RGSL1: variants seen among roughly 807,000 people sequenced by gnomAD.
The protein encoded by RGSL1 is regulator of G protein signaling protein-like.
In RGSL1, 97 loss-of-function variants were observed where a neutral mutation model predicts 124.7. The observed-to-expected ratio is 0.78, with a 90% CI of 0.66 to 0.92. The LOEUF (loss-of-function observed/expected upper bound fraction) is 0.92, where lower values mean the gene tolerates loss of function less well. Among genes scored for constraint, RGSL1 ranks in the 40% least tolerant of loss-of-function variants. The probability of loss-of-function intolerance (pLI) is 0.00; values close to 1 mark genes in which losing one functional copy is unlikely to be tolerated. For synonymous variants in RGSL1, 424 were observed against 438.1 expected, an observed-to-expected ratio of 0.97 and a Z score of 0.40; for missense variants, 1,233 against 1,288.4, an observed-to-expected ratio of 0.96 and a Z score of 0.66.
intron 2 of RGSL1, among the ~76,000 whole-genome samples, chr1:182,454,607 T>C (rs1021023652): frequency 6.6e-6 from 1 of 151,844 alleles, no homozygotes; most frequent in African/African-American, 2.4e-5. Flanking sequence ...TGTGTGTGTG[T>C]GTGTGTGTGT....
chr1:182,492,842 G>A (rs1234636144), intron 8 of RGSL1, 180 bp from the exon 9 acceptor site: 14 of 581,756 alleles, frequency 2.4e-5, no homozygotes, highest in Non-Finnish European at 4.3e-5. Context: ...TGTTAGTCAG[G>A]ATGGTCTCAA....
intron 4 of RGSL1, among the ~76,000 whole-genome samples, chr1:182,462,874 A>T (rs932090235): frequency 6.6e-6 from 1 of 152,242 alleles, no homozygotes; most frequent in Non-Finnish European, 1.5e-5. Flanking sequence ...ATGACAAAGG[A>T]ATTTAAATGT....
chr1:182,466,588 T>C (rs1476309748), intron 4 of RGSL1, among the ~76,000 whole-genome samples: 4 of 152,028 alleles, frequency 2.6e-5, no homozygotes, highest in African/African-American at 9.7e-5. Context: ...AATAATAGCA[T>C]TAAAAAGAAT....
At chr1:182,460,865 G>A (rs189764926) in intron 4 of RGSL1, 4 of 388,580 alleles carry the variant, frequency 1.0e-5, no homozygotes, top group Non-Finnish European at 2.1e-5. Context: ...TTGCACAGTG[G>A]CAGCTACTTA....
rs554803278 is a variant in RGSL1 at position 182,451,662 on chromosome 1, A to G, written c.13+1484A>G. 3.5e-4 allele frequency among the ~76,000 whole-genome samples: 39 copies of G among 111,114 alleles called. 1 individual carries two copies. The highest frequency in any genetic ancestry group is 5.3e-4 in the Admixed American group (6 of 11,368). 72.9% of individuals were successfully genotyped at this position (111,114 alleles called of 152,430 possible). A position where few individuals can be genotyped will look rare whatever the true frequency, so the allele number is the denominator to read the frequency against. On this transcript the variant is annotated intron_variant, in intron 1 of 21. Transcript: ENST00000294854. ...GGAAACTCAAAAGCCAGATGGGGTA[A>G]AGCCTCAGATACTATACTAGAGAGT...
chr1:182,545,034 T>C (rs1353529276), intron 15 of RGSL1, among the ~76,000 whole-genome samples: 1 of 152,124 alleles, frequency 6.6e-6, no homozygotes, highest in Admixed American at 6.5e-5. Flanking sequence ...GCTATTTTGT[T>C]GCTTGTTTTC....
intron 4 of RGSL1, chr1:182,471,219 G>T (rs922534220): frequency 1.8e-5 from 8 of 456,256 alleles, no homozygotes; most frequent in Middle Eastern, 3.6e-4. Flanking sequence ...AGTGTGCAAG[G>T]CTGGGAGAGG....
At chr1:182,485,832 A>G (rs1483734492) in intron 6 of RGSL1, among the ~76,000 whole-genome samples, 2 of 152,210 alleles carry the variant, frequency 1.3e-5, no homozygotes, top group Admixed American at 1.3e-4. Flanking sequence ...AAATCAAAAG[A>G]AGAACATATT....
intron 11 of RGSL1, among the ~76,000 whole-genome samples, chr1:182,528,512 G>A (rs2102261614): frequency 6.6e-6 from 1 of 152,280 alleles, no homozygotes; most frequent in Middle Eastern, 3.4e-3. Flanking sequence ...TTACTTCCTA[G>A]ATACAATAGA....
intron 19 of RGSL1, among the ~76,000 whole-genome samples, 178 bp from the exon 20 acceptor site, chr1:182,554,449 T>C (rs1660744661): frequency 6.6e-6 from 1 of 152,182 alleles, no homozygotes; most frequent in African/African-American, 2.4e-5. Context: ...AATTGCAGCA[T>C]AGAAACAAGG....
At chr1:182,459,929 C>T (rs1165906570) in intron 3 of RGSL1, 75 bp from the exon 4 acceptor site, 45 of 1,502,064 alleles carry the variant, frequency 3.0e-5, no homozygotes, top group Non-Finnish European at 3.7e-5. Context: ...TGATTAGTTG[C>T]CACTTACTAA....
intron 15 of RGSL1, among the ~76,000 whole-genome samples, chr1:182,542,025 G>A (rs1177042514): frequency 6.6e-6 from 1 of 152,022 alleles, no homozygotes; most frequent in Non-Finnish European, 1.5e-5. Flanking sequence ...CCATTCTGAG[G>A]GTTGTCTCTT....
At chr1:182,540,109 C>A in intron 14 of RGSL1, 138 bp from the exon 15 acceptor site, 1 of 772,494 alleles carries the variant, frequency 1.3e-6, no homozygotes, top group Non-Finnish European at 1.9e-6. Flanking sequence ...AAGGTTGAGC[C>A]CAATGGCAGT....
At chr1:182,472,188 T>G (rs1398963908) in intron 4 of RGSL1, among the ~76,000 whole-genome samples, 1 of 152,120 alleles carries the variant, frequency 6.6e-6, no homozygotes, top group Non-Finnish European at 1.5e-5. Context: ...GTCAAAGGAT[T>G]CCCATGCATT....
rs765891144 is a variant in RGSL1, at chr1:182,530,818, C to A, written c.2272C>A (p.Pro758Thr). Residue 758 changes from proline (P) to threonine (T), a missense_variant, in exon 13 of 22, where the codon CCT (proline) becomes ACT (threonine). Pro to Thr is a conservative substitution (Grantham distance 38, BLOSUM62 -1). Transcript: ENST00000294854. Reference protein sequence around the residue: ...WFKDYQDLFPPHHQEVEVQSE... With the variant: ...WFKDYQDLFPTHHQEVEVQSE... ...TAAAGATTATCAAGACCTGTTCCCACCTCACCATCAGGAGGTGGAAGTGCA... is the reference window on the plus strand; with the variant it reads ...TAAAGATTATCAAGACCTGTTCCCAACTCACCATCAGGAGGTGGAAGTGCA... 2.6e-6 allele frequency: 4 copies of A among 1,549,848 alleles called. No individual in the cohort carries two copies. In the South Asian group the frequency reaches 4.8e-5, roughly 18 times the overall value.
rs1156753310 is a variant in RGSL1 at position 182,509,804 on chromosome 1, C to T, written c.1826-12200C>T. Among the ~76,000 whole-genome samples, 11 of 115,494 alleles carry T rather than the reference C, an allele frequency of 9.5e-5. No individual in the cohort carries two copies. The East Asian group carries it at 2.3e-3, about 24-fold the overall frequency. 75.8% of individuals were successfully genotyped at this position (115,494 alleles called of 152,430 possible). On this transcript the variant is annotated intron_variant, in intron 9 of 21. Coordinates refer to ENST00000294854, the MANE Select transcript of RGSL1 (RefSeq NM_001137669.2). Reference sequence around the variant, plus strand: ...CTCCCTCCCGGATGGGGCGGCTGGCCGGGCGGGGGGCTGACCCCCCCCCAC... The same window carrying T: ...CTCCCTCCCGGATGGGGCGGCTGGCTGGGCGGGGGGCTGACCCCCCCCCAC...
chr1:182,528,661 C>T (rs1658936813), intron 11 of RGSL1, among the ~76,000 whole-genome samples: 2 of 152,180 alleles, frequency 1.3e-5, no homozygotes, highest in South Asian at 4.1e-4. Context: ...CCTTTGACTT[C>T]ACGTCTCACA....
intron 20 of RGSL1, chr1:182,555,212 C>T (rs1660796169): frequency 6.4e-6 from 1 of 155,642 alleles, no homozygotes; most frequent in Non-Finnish European, 1.4e-5. Flanking sequence ...ATTTAGCTCT[C>T]ACGTGTAACT....
chr1:182,518,200 C>G (rs955180641), intron 9 of RGSL1, among the ~76,000 whole-genome samples: 2 of 152,022 alleles, frequency 1.3e-5, no homozygotes, highest in Non-Finnish European at 2.9e-5. Flanking sequence ...CCACTATACC[C>G]AGCTAATTTT....
Sources: gnomAD v4.1 joint callset for allele counts (sites outside exome capture counted in the v4.1 genomes callset) on GRCh38, gnomAD v4.1.1 for gene constraint, MANE v1.5 for transcripts, NCBI Gene and HGNC (gene_info 2026-07-23, HGNC 2026-07-21) for gene names.